Variants in ANKRD17 observed in about 807,000 individuals in gnomAD.
ANKRD17 encodes ankyrin repeat domain-containing protein 17.
In ANKRD17, 19 loss-of-function variants were observed where a neutral mutation model predicts 229.7. The ratio of observed to expected loss-of-function variants is 0.08; its 90% confidence interval spans 0.06 to 0.12. The LOEUF (loss-of-function observed/expected upper bound fraction) is 0.12, where lower values mean the gene tolerates loss of function less well. Among genes scored for constraint, ANKRD17 ranks in the 10% least tolerant of loss-of-function variants. ANKRD17 has a pLI of 1.00. For synonymous variants in ANKRD17, 1,112 were observed against 1,146.1 expected, an observed-to-expected ratio of 0.97 and a Z score of 0.60; for missense variants, 2,176 against 3,176.8, an observed-to-expected ratio of 0.68 and a Z score of 7.57.
At chr4:73,173,568 A>C (rs1734325827) in intron 2 of ANKRD17, among the ~76,000 whole-genome samples, 1 of 152,210 alleles carries the variant, frequency 6.6e-6, no homozygotes, top group South Asian at 2.1e-4. Context: ...AAAATAATTC[A>C]CAGATTCTCT....
intron 1 of ANKRD17, among the ~76,000 whole-genome samples, chr4:73,242,961 TA>T (rs1744176257): frequency 6.6e-6 from 1 of 151,758 alleles, no homozygotes; most frequent in Non-Finnish European, 1.5e-5. Context: ...AAAAGGGAGG[TA>T]AAAGAAGAAG....
At chr4:73,080,470 G>C (rs1488131950) in intron 30 of ANKRD17, among the ~76,000 whole-genome samples, 1 of 152,178 alleles carries the variant, frequency 6.6e-6, no homozygotes, top group Non-Finnish European at 1.5e-5. Context: ...ACCAAATTCT[G>C]CAATTATACA....
chr4:73,180,568 G>A (rs1008852132), intron 1 of ANKRD17, among the ~76,000 whole-genome samples: 13 of 152,094 alleles, frequency 8.5e-5, no homozygotes, highest in African/African-American at 2.9e-4. Context: ...TTATTCTTAG[G>A]CCCACTATTC....
At chr4:73,168,441 T>C (rs995867500) in intron 2 of ANKRD17, among the ~76,000 whole-genome samples, 3 of 152,014 alleles carry the variant, frequency 2.0e-5, no homozygotes, top group Non-Finnish European at 4.4e-5. Context: ...TATTTGATTG[T>C]GTGTGTGTAT....
At chr4:73,160,210 C>CTTTTTT (rs144486458) in intron 3 of ANKRD17, among the ~76,000 whole-genome samples, 12 of 61,558 alleles carry the variant, frequency 1.9e-4, no homozygotes, top group African/African-American at 5.4e-4. Context: ...TTTCTTATCA[C>CTTTTTT]TTTTTTTTTT....
chr4:73,242,583 G>A (rs996542018), intron 1 of ANKRD17, among the ~76,000 whole-genome samples: 10 of 152,176 alleles, frequency 6.6e-5, no homozygotes, highest in East Asian at 1.9e-4. Context: ...TCATGGTCAC[G>A]TACAAAAGAT....
At chr4:73,234,849 A>T (rs1161034970) in intron 1 of ANKRD17, among the ~76,000 whole-genome samples, 1 of 152,182 alleles carries the variant, frequency 6.6e-6, no homozygotes, top group African/African-American at 2.4e-5. Context: ...AGCCCAACTG[A>T]CCTAGCACTG....
chr4:73,197,048 A>T (rs1418046489), intron 1 of ANKRD17, among the ~76,000 whole-genome samples: 1 of 152,138 alleles, frequency 6.6e-6, no homozygotes, highest in African/African-American at 2.4e-5. Flanking sequence ...AGTCATTCAG[A>T]ACCCAGGACA....
At chr4:73,121,443 C>G in intron 19 of ANKRD17, 174 bp downstream of exon 19, 1 of 727,184 alleles carries the variant, frequency 1.4e-6, no homozygotes, top group East Asian at 2.7e-5. Context: ...TTTTCAAACT[C>G]TATATCAAGT....
intron 3 of ANKRD17, among the ~76,000 whole-genome samples, chr4:73,160,882 C>G (rs1020536707): frequency 1.3e-5 from 2 of 152,170 alleles, no homozygotes; most frequent in African/African-American, 2.4e-5. Context: ...TCTAAATAAG[C>G]AAAAAGTCTT....
At chr4:73,252,252 CA>C (rs1440577205) in intron 1 of ANKRD17, among the ~76,000 whole-genome samples, 1 of 152,144 alleles carries the variant, frequency 6.6e-6, no homozygotes. Flanking sequence ...CCACAGCACA[CA>C]ATGTAAACTG....
intron 1 of ANKRD17, among the ~76,000 whole-genome samples, chr4:73,251,649 A>G (rs1234546972): frequency 3.3e-5 from 5 of 151,980 alleles, no homozygotes; most frequent in Non-Finnish European, 1.5e-5. Flanking sequence ...ACTACTTCGC[A>G]TACCAATGTG....
intron 29 of ANKRD17, 127 bp downstream of exon 29, chr4:73,090,540 G>A (rs1254521782): frequency 1.7e-6 from 2 of 1,173,282 alleles, no homozygotes; most frequent in African/African-American, 3.1e-5. Flanking sequence ...AACAGCATCT[G>A]AGTTAACTAA....
chr4:73,198,679 A>G (rs1738223494), intron 1 of ANKRD17, among the ~76,000 whole-genome samples: 1 of 152,216 alleles, frequency 6.6e-6, no homozygotes, highest in Non-Finnish European at 1.5e-5. Flanking sequence ...ACTTACTCTT[A>G]CTATACTACA....
rs1240129552 is a variant in ANKRD17 at position 73,073,417 on chromosome 4, G to A, written c.*2814C>T. 2 of 152,046 alleles carry A rather than the reference G, an allele frequency of 1.3e-5. No homozygotes were observed. The highest frequency in any genetic ancestry group is 3.9e-4 in the East Asian group (2 of 5,192). The allele number at this position is 152,046 out of a possible 1,614,324, so 9.4% of individuals were successfully genotyped here. A position where few individuals can be genotyped will look rare whatever the true frequency, so the allele number is the denominator to read the frequency against. ...TTTAATAAACTAGAGGATCTGAAGAGATTTTATAACTTTGAGTTTTCCTGT... is the reference window on the plus strand; with the variant it reads ...TTTAATAAACTAGAGGATCTGAAGAAATTTTATAACTTTGAGTTTTCCTGT... On this transcript the variant is annotated 3_prime_UTR_variant, in exon 34 of 34. Transcript: ENST00000358602.
chr4:73,114,827 C>T (rs377567869), intron 23 of ANKRD17, among the ~76,000 whole-genome samples: 3 of 152,016 alleles, frequency 2.0e-5, no homozygotes, highest in Admixed American at 6.6e-5. Flanking sequence ...ACTGTGTAAA[C>T]GTCATAAGAA....
chr4:73,129,709 C>A (rs976650910), intron 16 of ANKRD17, among the ~76,000 whole-genome samples: 1 of 151,618 alleles, frequency 6.6e-6, no homozygotes, highest in Non-Finnish European at 1.5e-5. Context: ...AAGAGTGAGA[C>A]CCTGTCTCAA....
At chr4:73,142,828 A>T in intron 11 of ANKRD17, 61 bp from the exon 12 acceptor site, 1 of 1,529,234 alleles carries the variant, frequency 6.5e-7, no homozygotes, top group Non-Finnish European at 8.8e-7. Flanking sequence ...AAATTATGGT[A>T]AATTTAAAAA....
At chr4:73,255,753 C>T (rs931071570) in intron 1 of ANKRD17, among the ~76,000 whole-genome samples, 1 of 151,312 alleles carries the variant, frequency 6.6e-6, no homozygotes, top group African/African-American at 2.4e-5. Context: ...GACAGAGTCT[C>T]GTTCTTGTTG....
Sources: gnomAD v4.1 joint callset for allele counts (sites outside exome capture counted in the v4.1 genomes callset) on GRCh38, gnomAD v4.1.1 for gene constraint, MANE v1.5 for transcripts, NCBI Gene and HGNC (gene_info 2026-07-23, HGNC 2026-07-21) for gene names.